OR1L8: variants seen among roughly 807,000 people sequenced by gnomAD.
OR1L8 encodes olfactory receptor family 1 subfamily L member 8.
For missense variants in OR1L8, 330 were observed against 377.4 expected (o/e 0.87, Z 1.04); for synonymous variants, 148 against 147.0 (o/e 1.01, Z -0.05).
the OR1L8 span, chr9:122,554,217 C>T: frequency 2.9e-5 from 39 of 1,356,962 alleles, no homozygotes; most frequent in Non-Finnish European, 4.0e-5. Flanking sequence ...TGTCTTCCAT[C>T]ACTTCAGTAA....
chr9:122,556,164 G>A, the OR1L8 span, among the ~76,000 whole-genome samples: 86,992 of 151,952 alleles, frequency 0.57, 25,409 homozygotes, highest in East Asian at 0.97. Flanking sequence ...TTCACTTAGA[G>A]TGTGTTTAAG....
At chr9:122,578,584 TC>T (rs1829696551) in intron 1 of OR1L8, 139 bp from the exon 2 acceptor site, 1 of 151,600 alleles carries the variant, frequency 6.6e-6, no homozygotes, top group East Asian at 1.9e-4. Flanking sequence ...GATAAAGAAA[TC>T]GTGATATATA....
intron 2 of OR1L8, 39 bp from the exon 3 acceptor site, chr9:122,576,940 T>C (rs1398896392): frequency 6.6e-6 from 1 of 152,220 alleles, no homozygotes; most frequent in Non-Finnish European, 1.5e-5. Flanking sequence ...TTAGGCCTTT[T>C]ACTCTTTCAG....
intron 1 of OR1L8, among the ~76,000 whole-genome samples, chr9:122,579,713 C>CCTGAAA (rs1829715086): frequency 6.6e-6 from 1 of 152,062 alleles, no homozygotes; most frequent in African/African-American, 2.4e-5. Context: ...AGGATTAAGT[C>CCTGAAA]TACATTTTAT....
chr9:122,557,262 A>C, the OR1L8 span, among the ~76,000 whole-genome samples: 10 of 152,124 alleles, frequency 6.6e-5, no homozygotes, highest in African/African-American at 2.4e-4. Context: ...ATGATATTCA[A>C]AAGCAGTAAT....
intron 3 of OR1L8, among the ~76,000 whole-genome samples, chr9:122,573,575 G>A (rs1312751499): frequency 2.0e-5 from 3 of 152,088 alleles, no homozygotes; most frequent in Admixed American, 6.6e-5. Flanking sequence ...CCTTTGGCCC[G>A]TTTTTAATTG....
intron 3 of OR1L8, among the ~76,000 whole-genome samples, chr9:122,574,997 C>A (rs761532878): frequency 2.0e-5 from 3 of 151,996 alleles, no homozygotes; most frequent in Non-Finnish European, 2.9e-5. Context: ...TGATGCATTA[C>A]AATAACTGAT....
chr9:122,553,230 G>C, the OR1L8 span: 26 of 1,613,810 alleles, frequency 1.6e-5, no homozygotes, highest in Non-Finnish European at 2.2e-5. Context: ...ACCAGGCAGA[G>C]TGAACCAAAC....
chr9:122,576,432 G>A (rs890221914), intron 3 of OR1L8, among the ~76,000 whole-genome samples: 20 of 148,048 alleles, frequency 1.4e-4, no homozygotes, highest in African/African-American at 4.2e-4. Context: ...ATGTGGTTTC[G>A]CTACATTGGC....
the OR1L8 span, chr9:122,553,343 G>GA: frequency 6.2e-7 from 1 of 1,613,910 alleles, no homozygotes; most frequent in Non-Finnish European, 8.5e-7. Context: ...CCATGGTGGG[G>GA]AACCTGCTCA....
At chr9:122,560,553 C>A in the OR1L8 span, among the ~76,000 whole-genome samples, 1 of 152,110 alleles carries the variant, frequency 6.6e-6, no homozygotes, top group Non-Finnish European at 1.5e-5. Context: ...ATTTGTTTGT[C>A]TGGAAAGGAT....
At chr9:122,569,160 A>G (rs1313366472) in intron 4 of OR1L8, among the ~76,000 whole-genome samples, 4 of 152,152 alleles carry the variant, frequency 2.6e-5, no homozygotes, top group Non-Finnish European at 4.4e-5. Context: ...TCACAGAATG[A>G]AAGGTTCATC....
Position 122,567,787 on chromosome 9 carries a change from A to G in OR1L8, c.691T>C (p.Ser231Pro). ...AAGGCTTTGCGTTTCCCAGAAGTAGAGGGAATCTTGAGAACTGTAGTGAGG... is the reference window on the plus strand; with the variant it reads ...AAGGCTTTGCGTTTCCCAGAAGTAGGGGGAATCTTGAGAACTGTAGTGAGG... ...RILTTVLKIP[S>P]TSGKRKAFST... Residue 231 changes from serine (S) to proline (P), a missense_variant, in exon 5 of 5, where the codon TCT becomes CCT. Coordinates refer to ENST00000641027, the MANE Select transcript of OR1L8 (RefSeq NM_001004454.2). The G allele has an allele frequency of 6.2e-7, 1 of 1,614,092 alleles. No homozygotes were observed.
the OR1L8 span, among the ~76,000 whole-genome samples, chr9:122,548,687 G>A: frequency 6.6e-6 from 1 of 151,692 alleles, no homozygotes; most frequent in South Asian, 2.1e-4. Flanking sequence ...TTGGTGTGCT[G>A]CACCCATTAA....
intron 2 of OR1L8, among the ~76,000 whole-genome samples, chr9:122,577,269 A>G (rs960496313): frequency 5.9e-5 from 9 of 152,210 alleles, no homozygotes; most frequent in Non-Finnish European, 1.3e-4. Context: ...AGACATAGAC[A>G]GTGTTAAGCA....
intron 3 of OR1L8, among the ~76,000 whole-genome samples, chr9:122,576,504 G>A (rs973381392): frequency 1.3e-5 from 2 of 151,956 alleles, no homozygotes; most frequent in South Asian, 2.1e-4. Context: ...CAAGGTTCTG[G>A]GATTACAGGC....
chr9:122,582,280 T>C (rs1419674437), intron 1 of OR1L8, among the ~76,000 whole-genome samples: 1 of 152,178 alleles, frequency 6.6e-6, no homozygotes, highest in Non-Finnish European at 1.5e-5. Context: ...ACTGCATCCA[T>C]GGCTTAAAAA....
chr9:122,546,664 T>G, the OR1L8 span, among the ~76,000 whole-genome samples: 3 of 152,318 alleles, frequency 2.0e-5, no homozygotes, highest in East Asian at 3.9e-4. Flanking sequence ...GCAGGTAAAT[T>G]AGAGATTTAA....
At chr9:122,562,526 G>A (rs111773906), downstream of OR1L8, among the ~76,000 whole-genome samples, 2 of 152,164 alleles carry the variant, frequency 1.3e-5, no homozygotes, top group African/African-American at 2.4e-5. Context: ...AGGCTGGGTA[G>A]CACGCTCACT....
Sources: allele counts gnomAD v4.1 joint callset (sites outside exome capture counted in the v4.1 genomes callset), GRCh38; gene constraint gnomAD v4.1.1; transcripts MANE v1.5; gene names NCBI Gene and HGNC (gene_info 2026-07-23, HGNC 2026-07-21).